The following CNTN4 variants were observed in gnomAD, a reference collection of about 807,000 sequenced individuals.
CNTN4 encodes contactin 4.
In CNTN4, 77 loss-of-function variants were observed where a neutral mutation model predicts 122.5. The ratio of observed to expected loss-of-function variants is 0.63; its 90% confidence interval spans 0.52 to 0.76. CNTN4 has a LOEUF of 0.76. Ranked by LOEUF, CNTN4 falls within the 30% of genes least tolerant of loss-of-function variation. The probability of loss-of-function intolerance (pLI) is 0.00; values close to 1 mark genes in which losing one functional copy is unlikely to be tolerated. For missense variants in CNTN4, 1,256 were observed against 1,259.1 expected (o/e 1.00, Z 0.04); for synonymous variants, 512 against 447.0 (o/e 1.15, Z -1.83).
rs773142359 is a variant in CNTN4, at chr3:2,616,549, G to A, written c.55+44991G>A. ...TCTAGTTCTAGATCCTTGAGGAATC[G>A]CCACACTGTCTTCCACAATGGTTGA... is the stretch of plus-strand genomic sequence containing the variant. On this transcript the variant is annotated intron_variant, in intron 4 of 24. Transcript: ENST00000418658. 7.2e-5 allele frequency among the ~76,000 whole-genome samples: 11 copies of A among 152,182 alleles called. No individual in the cohort carries two copies. The South Asian group carries it at 8.3e-4, about 12-fold the overall frequency.
In CNTN4 at chr3:2,428,583, T is replaced by G. The variant is rs565031648; in HGVS notation, c.-89+89350T>G. 1.8e-4 allele frequency among the ~76,000 whole-genome samples: 27 copies of G among 152,246 alleles called. No individual in the cohort carries two copies. The South Asian group carries it at 4.8e-3, about 27-fold the overall frequency. On this transcript the variant is annotated intron_variant, in intron 3 of 24. Coordinates refer to ENST00000418658, the MANE Select transcript of CNTN4 (RefSeq NM_175607.3). ...TGCTCTTCTCGAGGAGTATCTTTGT[T>G]GCATTCTCTGTATTTCCTGAATTTG...
chr3:2,928,034 G>A (rs924857400), intron 13 of CNTN4, among the ~76,000 whole-genome samples: 1 of 152,132 alleles, frequency 6.6e-6, no homozygotes, highest in African/African-American at 2.4e-5. Context: ...GGGGAATGCT[G>A]GGGACTTCAG....
intron 3 of CNTN4, among the ~76,000 whole-genome samples, chr3:2,489,433 T>A (rs2076252836): frequency 6.6e-6 from 1 of 152,170 alleles, no homozygotes; most frequent in African/African-American, 2.4e-5. Flanking sequence ...TTACCCTCTT[T>A]TTTCTCATTC....
At chr3:3,028,227 G>A (rs567906897) in intron 15 of CNTN4, among the ~76,000 whole-genome samples, 3 of 152,238 alleles carry the variant, frequency 2.0e-5, no homozygotes, top group East Asian at 1.9e-4. Context: ...CATCCCCACC[G>A]AGTATTCTGT....
At chr3:2,868,754 C>G (rs1206641830) in intron 8 of CNTN4, among the ~76,000 whole-genome samples, 1 of 152,220 alleles carries the variant, frequency 6.6e-6, no homozygotes, top group East Asian at 1.9e-4. Flanking sequence ...GGGATGCAGA[C>G]ACAAAGAAAC....
chr3:2,204,802 A>G (rs931014410), intron 2 of CNTN4, among the ~76,000 whole-genome samples: 7 of 152,168 alleles, frequency 4.6e-5, no homozygotes, highest in Non-Finnish European at 8.8e-5. Flanking sequence ...TCAGCTCCTG[A>G]AGAACCACTT....
intron 3 of CNTN4, among the ~76,000 whole-genome samples, chr3:2,550,725 A>T (rs527977433): frequency 6.6e-6 from 1 of 152,330 alleles, no homozygotes; most frequent in South Asian, 2.1e-4. Context: ...GATAGACTGG[A>T]TAAAGAAAAT....
intron 13 of CNTN4, among the ~76,000 whole-genome samples, chr3:2,981,704 C>G (rs1694035260): frequency 6.6e-6 from 1 of 152,090 alleles, no homozygotes; most frequent in African/African-American, 2.4e-5. Flanking sequence ...ATTTGTACCC[C>G]AAGGCCGAAT....
intron 2 of CNTN4, among the ~76,000 whole-genome samples, chr3:2,325,124 C>G (rs2043407643): frequency 1.3e-5 from 2 of 152,178 alleles, no homozygotes; most frequent in Admixed American, 1.3e-4. Flanking sequence ...TTGTCACTCT[C>G]AGTCTCTCAC....
At chr3:2,769,711 ACT>A (rs933548039) in intron 6 of CNTN4, among the ~76,000 whole-genome samples, 48 of 152,238 alleles carry the variant, frequency 3.2e-4, no homozygotes, top group African/African-American at 1.2e-3. Context: ...TAAATCCAAC[ACT>A]CTGTAAACCA....
chr3:2,111,970 T>C (rs748499397), intron 2 of CNTN4, among the ~76,000 whole-genome samples: 25 of 152,138 alleles, frequency 1.6e-4, no homozygotes, highest in Non-Finnish European at 3.1e-4. Context: ...GCTCATATGC[T>C]TTTATCTATG....
chr3:2,826,031 C>T (rs1046800419), intron 7 of CNTN4, among the ~76,000 whole-genome samples: 2 of 151,970 alleles, frequency 1.3e-5, no homozygotes, highest in Admixed American at 1.3e-4. Flanking sequence ...CACAATAATC[C>T]CATAAGAAGT....
chr3:2,354,517 G>C (rs2044785850), intron 3 of CNTN4, among the ~76,000 whole-genome samples: 1 of 152,204 alleles, frequency 6.6e-6, no homozygotes, highest in Admixed American at 6.5e-5. Context: ...GGTGGCAAGA[G>C]CGAGACTCCA....
chr3:2,564,002 G>C (rs1464880910), intron 3 of CNTN4, among the ~76,000 whole-genome samples: 1 of 152,106 alleles, frequency 6.6e-6, no homozygotes, highest in Non-Finnish European at 1.5e-5. Context: ...TTAGACAACA[G>C]TGAAGCAAGG....
intron 3 of CNTN4, among the ~76,000 whole-genome samples, chr3:2,367,024 C>G (rs1013361560): frequency 2.6e-5 from 4 of 151,908 alleles, no homozygotes; most frequent in African/African-American, 9.7e-5. Context: ...TATATGTGGT[C>G]TCTTGAATCT....
In CNTN4 at chr3:2,196,032, T is replaced by C. The variant is rs556240505; in HGVS notation, c.-145+95393T>C. On this transcript the variant is annotated intron_variant, in intron 2 of 24. Coordinates refer to ENST00000418658, the MANE Select transcript of CNTN4 (RefSeq NM_175607.3). ...TTCTGGAAAAAATCTAGAGATGATA[T>C]AGAAATAAATAAACTTCTGCAGGTC... is the stretch of plus-strand genomic sequence containing the variant. Among the ~76,000 whole-genome samples, 3 of 152,316 alleles carry C rather than the reference T, an allele frequency of 2.0e-5. 1 individual carries two copies. The highest frequency in any genetic ancestry group is 4.1e-4 in the South Asian group (2 of 4,830).
intron 2 of CNTN4, among the ~76,000 whole-genome samples, chr3:2,338,762 G>T (rs2044063325): frequency 6.6e-6 from 1 of 152,092 alleles, no homozygotes; most frequent in South Asian, 2.1e-4. Flanking sequence ...CTCATTTTAT[G>T]TATTCATATA....
At chr3:2,419,204 G>A (rs1444258250) in intron 3 of CNTN4, among the ~76,000 whole-genome samples, 1 of 152,112 alleles carries the variant, frequency 6.6e-6, no homozygotes, top group African/African-American at 2.4e-5. Flanking sequence ...GTAATTTCCT[G>A]ACATGAGTTA....
chr3:2,212,960 G>A (rs531393018), intron 2 of CNTN4, among the ~76,000 whole-genome samples: 3 of 152,212 alleles, frequency 2.0e-5, no homozygotes, highest in Middle Eastern at 3.4e-3. Context: ...TCATCAGAGC[G>A]CTCATGATAT....
Sources: allele counts gnomAD v4.1 joint callset (sites outside exome capture counted in the v4.1 genomes callset), GRCh38; gene constraint gnomAD v4.1.1; transcripts MANE v1.5; gene names NCBI Gene and HGNC (gene_info 2026-07-23, HGNC 2026-07-21).